The following RIN3 variants were observed in gnomAD, a reference collection of about 807,000 sequenced individuals.
RIN3 encodes RAB5 interacting protein 3.
A neutral mutation model predicts 76.3 loss-of-function variants in RIN3; 54 were observed. The ratio of observed to expected loss-of-function variants is 0.71; its 90% confidence interval spans 0.57 to 0.89. RIN3 has a LOEUF of 0.89. Ranked by LOEUF, RIN3 falls within the 40% of genes least tolerant of loss-of-function variation. The pLI is 0.00. For synonymous variants in RIN3, 576 were observed against 564.0 expected (o/e 1.02, Z -0.30); for missense variants, 1,256 against 1,322.1 (o/e 0.95, Z 0.78).
intron 2 of RIN3, among the ~76,000 whole-genome samples, chr14:92,574,603 G>A (rs922363767): frequency 2.0e-5 from 3 of 151,768 alleles, no homozygotes; most frequent in African/African-American, 7.2e-5. Flanking sequence ...TAAAAGGGAA[G>A]CTCAGCAGAG....
intron 1 of RIN3, among the ~76,000 whole-genome samples, chr14:92,528,842 G>A (rs1896813780): frequency 6.6e-6 from 1 of 152,138 alleles, no homozygotes. Flanking sequence ...TCAGTGAGCG[G>A]TTCGCGGGAC....
At chr14:92,530,564 C>G (rs529728297) in intron 1 of RIN3, among the ~76,000 whole-genome samples, 1 of 151,692 alleles carries the variant, frequency 6.6e-6, no homozygotes, top group East Asian at 2.0e-4. Flanking sequence ...CTGCATTGCC[C>G]AGTTTACAGG....
At chr14:92,521,030 G>A (rs1021025729) in intron 1 of RIN3, among the ~76,000 whole-genome samples, 5 of 151,970 alleles carry the variant, frequency 3.3e-5, no homozygotes, top group Non-Finnish European at 5.9e-5. Flanking sequence ...GACTCTTCTC[G>A]CAATGGATAT....
intron 7 of RIN3, among the ~76,000 whole-genome samples, chr14:92,660,962 C>T (rs1029382979): frequency 6.6e-6 from 1 of 152,188 alleles, no homozygotes; most frequent in Non-Finnish European, 1.5e-5. Context: ...GGATGGATAG[C>T]CACCTCTGTA....
At chr14:92,588,733 T>C (rs8014153) in intron 3 of RIN3, among the ~76,000 whole-genome samples, 139,302 of 152,124 alleles carry the variant, frequency 0.92, 64,026 homozygotes, top group East Asian at 1. Flanking sequence ...CAATCACCTT[T>C]CTTTCAGGTT....
intron 4 of RIN3, among the ~76,000 whole-genome samples, chr14:92,619,345 G>A (rs919961262): frequency 3.1e-4 from 47 of 149,408 alleles, no homozygotes; most frequent in African/African-American, 1.1e-3. Flanking sequence ...TTTTAAAGAA[G>A]TAGAAACCTT....
Position 92,652,746 on chromosome 14 carries a change from G to C in RIN3, c.1697G>C (p.Ser566Thr). The change falls in exon 6 of 10, where the codon AGC (serine) becomes ACC (threonine). Residue 566 changes from serine (S) to threonine (T), a missense_variant. By Grantham distance (58) the Ser-to-Thr change is moderately conservative. Transcript: ENST00000216487. This position sits in a 1 kb window ranked among gnomAD's most constrained non-coding sequence, Gnocchi z 6.4. ...GAGCTGGAGCAGTTCAGCAGCCCCA[G>C]CGTGAAGAAGAAGCCCTCCATGATC... ...EEELEQFSSP[S>T]VKKKPSMILG... 2 of 1,613,910 alleles carry C rather than the reference G, an allele frequency of 1.2e-6. No individual in the cohort carries two copies. Among genetic ancestry groups the C allele is most frequent in the Non-Finnish European group, 1.7e-6 (2 of 1,180,038 alleles).
chr14:92,660,965 C>T (rs1887861083), intron 7 of RIN3, among the ~76,000 whole-genome samples: 1 of 152,212 alleles, frequency 6.6e-6, no homozygotes, highest in South Asian at 2.1e-4. Context: ...TGGATAGCCA[C>T]CTCTGTAGAC....
Position 92,648,971 on chromosome 14 carries a change from G to C in RIN3, c.533-2611G>C, listed in dbSNP as rs1887303337. On this transcript the variant is annotated intron_variant, in intron 5 of 9. Transcript: ENST00000216487. This position sits in a 1 kb window ranked among gnomAD's most constrained non-coding sequence, Gnocchi z 4.1. ...AGACCTGCTGGTGGGGCAGCGCATG[G>C]CACGTGGAGGAAGGAGTGAACGGCA... 6.6e-6 allele frequency among the ~76,000 whole-genome samples: 1 copy of C among 152,218 alleles called. No individual in the cohort carries two copies. The highest frequency in any genetic ancestry group is 2.1e-4 in the South Asian group (1 of 4,830).
chr14:92,688,465 C>G lies in RIN3; in HGVS notation c.*213C>G, dbSNP rs1425505944. ...TCCTAATAGCCCTGAGACACCGAGA[C>G]GGCATGTTCTTCATTAGACGGAAAG... is the stretch of plus-strand genomic sequence containing the variant. On this transcript the variant is annotated 3_prime_UTR_variant, in exon 10 of 10. Coordinates refer to ENST00000216487, the MANE Select transcript of RIN3 (RefSeq NM_024832.5). The G allele has an allele frequency of 1.8e-6, 1 of 571,238 alleles. No individual in the cohort carries two copies. Among genetic ancestry groups the G allele is most frequent in the Admixed American group, 3.2e-5 (1 of 31,622 alleles). The allele number at this position is 571,238 out of a possible 1,614,324, so 35.4% of individuals were successfully genotyped here. A position where few individuals can be genotyped will look rare whatever the true frequency, so the allele number is the denominator to read the frequency against.
chr14:92,536,262 C>T (rs938444510), intron 1 of RIN3, among the ~76,000 whole-genome samples: 1 of 152,198 alleles, frequency 6.6e-6, no homozygotes, highest in African/African-American at 2.4e-5. Context: ...TGGGATTGCA[C>T]TGATGCTGTA....
chr14:92,550,792 T>C (rs1897402529), intron 1 of RIN3, among the ~76,000 whole-genome samples: 1 of 152,192 alleles, frequency 6.6e-6, no homozygotes, highest in Non-Finnish European at 1.5e-5. Flanking sequence ...CCAGAGGTCA[T>C]ACAGCCTGCA....
At chr14:92,552,173 T>C (rs1003890115) in intron 1 of RIN3, among the ~76,000 whole-genome samples, 2 of 152,170 alleles carry the variant, frequency 1.3e-5, no homozygotes, top group African/African-American at 4.8e-5. Context: ...ATTGCAAGTT[T>C]TAGAGCAGGA....
In RIN3 at chr14:92,568,397, T is replaced by C. The variant is rs976766533; in HGVS notation, c.250-8963T>C. ...GACTTGGGCCAAAATCTGCCAGATT[T>C]AAGCTGAGATAATTCACCATAATCT... On this transcript the variant is annotated intron_variant, in intron 2 of 9. Transcript: ENST00000216487. This position sits in a 1 kb window ranked among gnomAD's most constrained non-coding sequence, Gnocchi z 4.2. Among the ~76,000 whole-genome samples, 1 of 152,198 alleles carries C rather than the reference T, an allele frequency of 6.6e-6. No homozygotes were observed. The highest frequency in any genetic ancestry group is 1.5e-5 in the Non-Finnish European group (1 of 68,032).
chr14:92,572,282 G>A (rs936750963), intron 2 of RIN3, among the ~76,000 whole-genome samples: 4 of 152,186 alleles, frequency 2.6e-5, no homozygotes, highest in Admixed American at 1.3e-4. Flanking sequence ...GGAGTTGTGC[G>A]CATACTCATT....
chr14:92,553,902 G>T (rs1897505671), intron 1 of RIN3, among the ~76,000 whole-genome samples: 1 of 152,138 alleles, frequency 6.6e-6, no homozygotes, highest in Non-Finnish European at 1.5e-5. Context: ...CTACAGCCCT[G>T]CCTTCAGGGG....
chr14:92,584,923 C>T (rs887387422), intron 3 of RIN3, among the ~76,000 whole-genome samples: 12 of 152,192 alleles, frequency 7.9e-5, no homozygotes, highest in African/African-American at 2.9e-4. Context: ...AGTGAGCTGC[C>T]CAGCACTCAC....
intron 3 of RIN3, among the ~76,000 whole-genome samples, chr14:92,591,502 C>T (rs1398734955): frequency 1.3e-5 from 2 of 151,834 alleles, no homozygotes; most frequent in South Asian, 2.1e-4. Flanking sequence ...AAACACTGAG[C>T]AAGATCAATG....
intron 7 of RIN3, among the ~76,000 whole-genome samples, chr14:92,670,686 G>A (rs117023404): frequency 0.032 from 4,862 of 152,300 alleles, 118 homozygotes; most frequent in Non-Finnish European, 0.052. Context: ...CAGCTGCAGG[G>A]CTTTGAGCAA....
Sources: allele counts gnomAD v4.1 joint callset (sites outside exome capture counted in the v4.1 genomes callset), GRCh38; gene constraint gnomAD v4.1.1; non-coding constraint Gnocchi (gnomAD v3.1); transcripts MANE v1.5; gene names NCBI Gene and HGNC (gene_info 2026-07-23, HGNC 2026-07-21).